Variants in DECR1 observed in about 807,000 individuals in gnomAD.
The protein encoded by DECR1 is 2,4-dienoyl-CoA reductase [(3E)-enoyl-CoA-producing], mitochondrial.
Under a neutral mutation model 38.8 loss-of-function variants are expected in DECR1, and 44 were observed. The observed-to-expected ratio is 1.13, with a 90% confidence interval of 0.89 to 1.46. DECR1 has a LOEUF of 1.46. Ranked by LOEUF, DECR1 falls within the 40% of genes most tolerant of loss-of-function variation. DECR1 has a pLI of 0.00. For missense variants in DECR1, 428 were observed against 405.5 expected (o/e 1.06, Z -0.48); for synonymous variants, 148 against 135.2 (o/e 1.09, Z -0.66).
intron 5 of DECR1, among the ~76,000 whole-genome samples, chr8:90,033,665 A>G (rs4961168): frequency 2.6e-5 from 4 of 151,556 alleles, no homozygotes; most frequent in Non-Finnish European, 5.9e-5. Flanking sequence ...GCTGCAGTAT[A>G]TTATTCTAAG....
At chr8:90,005,594 G>A (rs1450558798) in intron 1 of DECR1, 2 of 373,376 alleles carry the variant, frequency 5.4e-6, no homozygotes, top group African/African-American at 4.3e-5. Flanking sequence ...GAAGGCAGCT[G>A]GCTCCCAAAA....
intron 1 of DECR1, chr8:90,003,355 G>A (rs1812663439): frequency 6.6e-6 from 1 of 152,168 alleles, no homozygotes; most frequent in African/African-American, 2.4e-5. Context: ...TGTGCTGCTG[G>A]CTAATAGGCC....
In DECR1 at chr8:90,053,319, A is replaced by G. The variant is rs967551552; in HGVS notation, c.*1422A>G. The stretch of plus-strand genomic sequence containing the variant: ...TCACAATCATGGCAGAAGGTGAGTG[A>G]GGAGCAAAGTCATGTCTTACGTGGT... On this transcript the variant is annotated 3_prime_UTR_variant, in exon 10 of 10. Coordinates refer to ENST00000220764, the MANE Select transcript of DECR1 (RefSeq NM_001359.2). Among the ~76,000 whole-genome samples, 4 of 152,204 alleles carry G rather than the reference A, an allele frequency of 2.6e-5. No homozygotes were observed. The highest frequency in any genetic ancestry group is 2.6e-4 in the Admixed American group (4 of 15,282).
chr8:90,021,059 A>T lies in DECR1; in HGVS notation c.565+3A>T. ...ACAACTAATTAAAGCACAGAAAGGT[A>T]TGTTTATTTGCTTTTCTCATATTTA... On this transcript the variant is annotated splice_donor_region_variant and intron_variant, in intron 5 of 9. Coordinates refer to ENST00000220764, the MANE Select transcript of DECR1 (RefSeq NM_001359.2). 6.4e-7 allele frequency: 1 copy of T among 1,569,514 alleles called. No individual in the cohort carries two copies. Among genetic ancestry groups the T allele is most frequent in the Non-Finnish European group, 8.6e-7 (1 of 1,164,130 alleles).
chr8:90,017,327 G>C lies in DECR1; in HGVS notation c.272+1G>C. The C allele has an allele frequency of 6.2e-7, 1 of 1,613,084 alleles. No homozygotes were observed. The highest frequency in any genetic ancestry group is 8.5e-7 in the Non-Finnish European group (1 of 1,179,510). ...GTGCTCAGTGCGTGATAGCCAGCCG[G>C]TAAGTCCCTTACATCAAGCCTATTG... is the stretch of plus-strand genomic sequence containing the variant. On this transcript the variant is annotated splice_donor_variant, in intron 2 of 9. Transcript: ENST00000220764. LOFTEE classifies it high-confidence loss of function.
chr8:90,045,240 T>A (rs1384508507), intron 8 of DECR1, among the ~76,000 whole-genome samples: 1 of 152,054 alleles, frequency 6.6e-6, no homozygotes, highest in Non-Finnish European at 1.5e-5. Context: ...AAAAGAGGTT[T>A]AAGGGAAGTG....
chr8:90,036,965 T>G (rs368128906), intron 6 of DECR1, 25 bp downstream of exon 6: 194 of 1,520,956 alleles, frequency 1.3e-4, no homozygotes, highest in Middle Eastern at 6.8e-4. Context: ...GTCAATCCTG[T>G]TGCTGAACAT....
In DECR1 at chr8:90,001,509, G is replaced by C; in HGVS notation, c.17G>C (p.Arg6Thr). MKLPA[R>T]VFFTLGSRLP... Reference sequence around the variant, plus strand: ...AGACTCAACATGAAGCTACCGGCCAGGGTTTTCTTTACTCTGGGGTCCCGG... The same window carrying C: ...AGACTCAACATGAAGCTACCGGCCACGGTTTTCTTTACTCTGGGGTCCCGG... The change falls in exon 1 of 10, where the codon AGG becomes ACG. Residue 6 changes from arginine (R) to threonine (T), a missense_variant. By Grantham distance (71) the Arg-to-Thr change is moderately conservative. Coordinates refer to ENST00000220764, the MANE Select transcript of DECR1 (RefSeq NM_001359.2). The C allele has an allele frequency of 6.2e-7, 1 of 1,614,058 alleles. No homozygotes were observed. Among genetic ancestry groups the C allele is most frequent in the Non-Finnish European group, 8.5e-7 (1 of 1,179,924 alleles).
At chr8:90,050,393 T>C (rs939820884) in intron 8 of DECR1, among the ~76,000 whole-genome samples, 4 of 152,090 alleles carry the variant, frequency 2.6e-5, no homozygotes, top group Non-Finnish European at 2.9e-5. Context: ...CAAAAGAAGA[T>C]ATTTATGCAG....
rs762163418 is a variant in DECR1 at position 90,044,861 on chromosome 8, C to T, written c.751C>T (p.Arg251Cys). The change falls in exon 8 of 10, where the codon CGT (arginine) becomes TGT (cysteine). Residue 251 changes from arginine (R) to cysteine (C), a missense_variant. Transcript: ENST00000220764. ...CTTAATTTCTAAGGGTGCCTTTAGCCGTCTGGACCCAACTGGAACATTTGA... is the reference window on the plus strand; with the variant it reads ...CTTAATTTCTAAGGGTGCCTTTAGCTGTCTGGACCCAACTGGAACATTTGA... Reference protein sequence around the residue: ...GPIKTKGAFSRLDPTGTFEKE... With the variant: ...GPIKTKGAFSCLDPTGTFEKE... 52 of 1,611,030 alleles carry T rather than the reference C, an allele frequency of 3.2e-5. No homozygotes were observed. The highest frequency in any genetic ancestry group is 8.9e-5 in the East Asian group (4 of 44,804).
At chr8:90,028,320 C>A (rs776728284) in intron 5 of DECR1, among the ~76,000 whole-genome samples, 1 of 151,998 alleles carries the variant, frequency 6.6e-6, no homozygotes, top group South Asian at 2.1e-4. Flanking sequence ...ATGTTGGCCT[C>A]ATGTCTATTA....
intron 5 of DECR1, among the ~76,000 whole-genome samples, chr8:90,028,167 G>A (rs902256380): frequency 7.9e-5 from 12 of 152,074 alleles, no homozygotes; most frequent in Admixed American, 1.3e-4. Context: ...CTTGCTTTGC[G>A]AAATTGTTAC....
chr8:90,005,887 T>C (rs1586132369), intron 1 of DECR1: 1 of 346,968 alleles, frequency 2.9e-6, no homozygotes, highest in Middle Eastern at 8.8e-4. Flanking sequence ...AGTGAGGGGG[T>C]GTTGGGAGGT....
chr8:90,020,025 G>C (rs796269383), intron 4 of DECR1, among the ~76,000 whole-genome samples: 1 of 152,152 alleles, frequency 6.6e-6, no homozygotes, highest in Non-Finnish European at 1.5e-5. Context: ...GGAGGAGAAC[G>C]ATATAAACAT....
chr8:90,021,713 AG>A (rs1813168915), intron 5 of DECR1, among the ~76,000 whole-genome samples: 1 of 152,202 alleles, frequency 6.6e-6, no homozygotes. Context: ...TGGGAGATAA[AG>A]TAGAAGACAT....
chr8:90,002,977 C>T (rs1026272739), intron 1 of DECR1: 2 of 152,132 alleles, frequency 1.3e-5, no homozygotes, highest in Non-Finnish European at 2.9e-5. Flanking sequence ...CTTCTGACAC[C>T]ATTAGACAAT....
At chr8:90,001,625 G>C in intron 1 of DECR1, 64 bp downstream of exon 1, 3 of 1,450,160 alleles carry the variant, frequency 2.1e-6, no homozygotes. Context: ...AGAGAGGACA[G>C]GGCGTCACGG....
chr8:90,005,328 T>G (rs1225660807), intron 1 of DECR1: 2 of 456,184 alleles, frequency 4.4e-6, no homozygotes, highest in Non-Finnish European at 8.8e-6. Context: ...GAAGAAGAGC[T>G]GATTCCTGCT....
chr8:90,007,561 TGG>T (rs1347183613), intron 1 of DECR1, among the ~76,000 whole-genome samples: 12 of 149,666 alleles, frequency 8.0e-5, no homozygotes, highest in African/African-American at 2.7e-4. Flanking sequence ...GTGGTGGGGG[TGG>T]GGTTAATGGA....
Sources: allele counts gnomAD v4.1 joint callset (sites outside exome capture counted in the v4.1 genomes callset), GRCh38; gene constraint gnomAD v4.1.1; transcripts MANE v1.5; gene names NCBI Gene and HGNC (gene_info 2026-07-23, HGNC 2026-07-21).